MEI1: variants seen among roughly 807,000 people sequenced by gnomAD.
MEI1 encodes the protein meiotic double-stranded break formation protein 1.
In MEI1, 103 loss-of-function variants were observed where a neutral mutation model predicts 146.2. That is an observed-to-expected ratio of 0.70 (90% CI 0.60 to 0.83). The LOEUF (loss-of-function observed/expected upper bound fraction) is 0.83. MEI1 is among the 40% of genes least tolerant of loss of function. The pLI is 0.00. For missense variants in MEI1, 1,529 were observed against 1,533.0 expected (o/e 1.00, Z 0.04); for synonymous variants, 652 against 628.2 (o/e 1.04, Z -0.57).
At chr22:41,719,289 T>C (rs2070521780) in intron 6 of MEI1, among the ~76,000 whole-genome samples, 1 of 152,000 alleles carries the variant, frequency 6.6e-6, no homozygotes, top group South Asian at 2.1e-4. Context: ...CCGGTTCAAG[T>C]GATTCTTATG....
At position 41,753,956 on chromosome 22, in the gene MEI1, G is replaced by A. The variant is rs2073937144; in HGVS notation, c.1861G>A (p.Ala621Thr). 1 of 1,611,174 alleles carries A rather than the reference G, an allele frequency of 6.2e-7. No homozygotes were observed. The highest frequency in any genetic ancestry group is 1.3e-5 in the African/African-American group (1 of 74,954). Residue 621 changes from alanine (A) to threonine (T), a missense_variant, in exon 17 of 31, where the codon GCC becomes ACC. This residue lies in a region of MEI1 where 1,212 missense variants were observed against 1,178.9 expected (regional missense o/e 1.03). Transcript: ENST00000401548. Reference protein sequence around the residue: ...ARFCSGLSHSALNQVCSNFLY... With the variant: ...ARFCSGLSHSTLNQVCSNFLY... ...TCTTCTTCTCCCTCTAAGTCACTCA[G>A]CCCTAAACCAGGTGTGTTCCAATTT...
chr22:41,732,275 G>C lies in MEI1; in HGVS notation c.1127G>C (p.Gly376Ala). Residue 376 changes from glycine to alanine, a missense_variant, in exon 10 of 31, where the codon GGA (glycine) becomes GCA (alanine). This residue lies in a region of MEI1 where 1,212 missense variants were observed against 1,178.9 expected (regional missense o/e 1.03). Transcript: ENST00000401548. The part of the protein sequence containing the change: ...GIEAVVRSLQ[G>A]SLKMNNIELH... ...GAGGCAGTGGTGAGGAGCCTGCAGG[G>C]AAGCCTGAAGATGAACAACATAGAG... The C allele has an allele frequency of 1.2e-6, 2 of 1,611,914 alleles. No homozygotes were observed. Among genetic ancestry groups the C allele is most frequent in the Non-Finnish European group, 1.7e-6 (2 of 1,179,134 alleles).
chr22:41,797,222 C>G (rs1201553390), intron 30 of MEI1, among the ~76,000 whole-genome samples: 1 of 152,082 alleles, frequency 6.6e-6, no homozygotes, highest in Non-Finnish European at 1.5e-5. Flanking sequence ...CTCCTGAGCT[C>G]AGGTGATCTG....
chr22:41,730,047 C>T (rs2071721616), intron 8 of MEI1, among the ~76,000 whole-genome samples: 1 of 152,146 alleles, frequency 6.6e-6, no homozygotes, highest in African/African-American at 2.4e-5. Context: ...CTATTATGAG[C>T]AGGGACTGTT....
intron 3 of MEI1, among the ~76,000 whole-genome samples, chr22:41,710,258 A>G (rs910725885): frequency 5.9e-5 from 9 of 152,262 alleles, no homozygotes; most frequent in Admixed American, 3.9e-4. Flanking sequence ...AAATCTGCTG[A>G]CACTTTGATC....
At chr22:41,760,634 A>G (rs1274233660) in intron 18 of MEI1, among the ~76,000 whole-genome samples, 1 of 152,220 alleles carries the variant, frequency 6.6e-6, no homozygotes, top group African/African-American at 2.4e-5. Context: ...AGCATTGGCA[A>G]GCTACTGCCT....
At chr22:41,760,687 AG>A (rs1253099933) in intron 18 of MEI1, among the ~76,000 whole-genome samples, 3 of 152,230 alleles carry the variant, frequency 2.0e-5, no homozygotes, top group Non-Finnish European at 2.9e-5. Flanking sequence ...GTCCCTTTCA[AG>A]GGCTCACAGC....
chr22:41,779,886 G>C (rs2075667185), intron 22 of MEI1, among the ~76,000 whole-genome samples: 1 of 152,154 alleles, frequency 6.6e-6, no homozygotes, highest in Admixed American at 6.5e-5. Context: ...CCTGCAGGAA[G>C]ATTTGCTGAG....
In MEI1 at chr22:41,716,771, G is replaced by A. The variant is rs5996053; in HGVS notation, c.529+625G>A. Among the ~76,000 whole-genome samples, 163 of 142,362 alleles carry A rather than the reference G, an allele frequency of 1.1e-3. 2 individuals carry two copies. The highest frequency in any genetic ancestry group is 4.2e-3 in the African/African-American group (161 of 38,060). The allele number at this position is 142,362 out of a possible 152,430, so 93.4% of individuals were successfully genotyped here. On this transcript the variant is annotated intron_variant, in intron 5 of 30. Transcript: ENST00000401548. Reference sequence around the variant, plus strand: ...GTGGCGCGATCTCGGCTCACTGCAAGCTCTGCCTCCCGGGTTCACGCCATT... The same window carrying A: ...GTGGCGCGATCTCGGCTCACTGCAAACTCTGCCTCCCGGGTTCACGCCATT...
intron 12 of MEI1, among the ~76,000 whole-genome samples, chr22:41,743,873 G>A (rs1301906362): frequency 2.0e-5 from 3 of 151,790 alleles, no homozygotes; most frequent in Non-Finnish European, 4.4e-5. Context: ...CTCCAACACT[G>A]CTACCATTTT....
intron 22 of MEI1, 31 bp downstream of exon 22, chr22:41,778,843 G>C: frequency 2.0e-6 from 3 of 1,527,460 alleles, no homozygotes; most frequent in Non-Finnish European, 2.7e-6. Context: ...AGCGCCCAAG[G>C]GCCCAGGGCT....
intron 26 of MEI1, 91 bp downstream of exon 26, chr22:41,784,874 C>T: frequency 1.2e-6 from 1 of 857,196 alleles, no homozygotes; most frequent in Non-Finnish European, 1.5e-6. Context: ...CCTACCAGGG[C>T]TTGGAGGGTG....
chr22:41,738,037 G>A (rs1423581115), intron 11 of MEI1, among the ~76,000 whole-genome samples: 1 of 152,156 alleles, frequency 6.6e-6, no homozygotes, highest in African/African-American at 2.4e-5. Flanking sequence ...AATATTGGCT[G>A]GGCACGGTGG....
At chr22:41,706,843 C>A (rs1484900756) in intron 3 of MEI1, among the ~76,000 whole-genome samples, 1 of 151,926 alleles carries the variant, frequency 6.6e-6, no homozygotes, top group African/African-American at 2.4e-5. Flanking sequence ...TAGTTAGGAT[C>A]CAGTCAGGAA....
chr22:41,783,450 A>G (rs2075837403), intron 24 of MEI1, among the ~76,000 whole-genome samples: 1 of 151,846 alleles, frequency 6.6e-6, no homozygotes, highest in Admixed American at 6.6e-5. Context: ...CTGCCACCAC[A>G]CCCAGCTAAT....
chr22:41,762,256 C>A (rs1009611655), intron 18 of MEI1, among the ~76,000 whole-genome samples: 1 of 151,950 alleles, frequency 6.6e-6, no homozygotes, highest in African/African-American at 2.4e-5. Context: ...TTCTTCCTTT[C>A]CTTTCCATTC....
intron 26 of MEI1, among the ~76,000 whole-genome samples, chr22:41,785,200 G>T (rs2075917254): frequency 6.6e-6 from 1 of 151,700 alleles, no homozygotes; most frequent in African/African-American, 2.4e-5. Context: ...CTCCCAAAGT[G>T]CTGGGATTAC....
chr22:41,763,874 A>T (rs1048757128), intron 19 of MEI1, among the ~76,000 whole-genome samples: 1 of 152,080 alleles, frequency 6.6e-6, no homozygotes, highest in Admixed American at 6.6e-5. Context: ...TCAAGCACTT[A>T]ACCTATGTTT....
intron 22 of MEI1, 60 bp from the exon 23 acceptor site, chr22:41,781,224 C>G: frequency 8.1e-7 from 1 of 1,227,848 alleles, no homozygotes; most frequent in Non-Finnish European, 1.2e-6. Context: ...CGCAGGCTAC[C>G]ACCTATGACA....
Sources: allele counts gnomAD v4.1 joint callset (sites outside exome capture counted in the v4.1 genomes callset), GRCh38; gene constraint gnomAD v4.1.1; regional missense constraint gnomAD v4.1.1; transcripts MANE v1.5; gene names NCBI Gene and HGNC (gene_info 2026-07-23, HGNC 2026-07-21).